MAGI1: variants seen among roughly 807,000 people sequenced by gnomAD.
The protein encoded by MAGI1 is membrane associated guanylate kinase, WW and PDZ domain containing 1.
MAGI1 carries 58 observed loss-of-function variants against 139.9 expected under a neutral mutation model. The observed-to-expected ratio is 0.41, with a 90% CI of 0.34 to 0.52. MAGI1 has a LOEUF of 0.52. MAGI1 is among the 20% of genes least tolerant of loss of function. The probability of loss-of-function intolerance (pLI) is 0.12; values close to 1 mark genes in which losing one functional copy is unlikely to be tolerated. For synonymous variants in MAGI1, 812 were observed against 737.9 expected (o/e 1.10, Z -1.63); for missense variants, 1,874 against 1,901.6 (o/e 0.99, Z 0.27).
At chr3:65,454,548 ATAATAAT>A (rs1312198931) in intron 5 of MAGI1, among the ~76,000 whole-genome samples, 3 of 147,076 alleles carry the variant, frequency 2.0e-5, no homozygotes, top group African/African-American at 7.7e-5. Flanking sequence ...AATAATAATA[ATAATAAT>A]AAAAAAATAC....
chr3:65,520,336 A>T (rs1411960189), intron 2 of MAGI1, among the ~76,000 whole-genome samples: 1 of 152,236 alleles, frequency 6.6e-6, no homozygotes, highest in African/African-American at 2.4e-5. Flanking sequence ...TATGTGGAAG[A>T]TCCTTCAATA....
intron 1 of MAGI1, among the ~76,000 whole-genome samples, chr3:65,803,648 G>T (rs560381976): frequency 6.6e-6 from 1 of 152,184 alleles, no homozygotes; most frequent in African/African-American, 2.4e-5. Flanking sequence ...CATCACTCAG[G>T]TACTAAGCCT....
chr3:65,895,813 A>T (rs2108596007), intron 1 of MAGI1, among the ~76,000 whole-genome samples: 1 of 152,302 alleles, frequency 6.6e-6, no homozygotes, highest in East Asian at 1.9e-4. Context: ...GGGACTTTTC[A>T]ATCATCAAAC....
chr3:65,651,626 T>C (rs973839122), intron 1 of MAGI1, among the ~76,000 whole-genome samples: 7 of 152,126 alleles, frequency 4.6e-5, no homozygotes, highest in South Asian at 2.1e-4. Context: ...AGTGAGTCAA[T>C]TGTCAAATTA....
At chr3:66,018,225 G>A (rs2067772425) in intron 1 of MAGI1, among the ~76,000 whole-genome samples, 1 of 151,702 alleles carries the variant, frequency 6.6e-6, no homozygotes, top group Non-Finnish European at 1.5e-5. Context: ...ACACACAGGA[G>A]CAGCCCCTGC....
intron 1 of MAGI1, among the ~76,000 whole-genome samples, chr3:65,947,173 A>C (rs151001423): frequency 1.3e-5 from 2 of 152,166 alleles, no homozygotes; most frequent in Non-Finnish European, 2.9e-5. Flanking sequence ...TTCTTCAAGG[A>C]AAGAGGATCC....
intron 1 of MAGI1, among the ~76,000 whole-genome samples, chr3:65,908,974 G>C (rs2061549352): frequency 6.6e-6 from 1 of 152,144 alleles, no homozygotes; most frequent in South Asian, 2.1e-4. Flanking sequence ...CTAAAATATA[G>C]AGAATGACTT....
intron 1 of MAGI1, among the ~76,000 whole-genome samples, chr3:65,852,591 C>T (rs1249447024): frequency 6.6e-6 from 1 of 151,476 alleles, no homozygotes; most frequent in African/African-American, 2.4e-5. Flanking sequence ...GCAACCTCTG[C>T]CTCCCGGGTT....
At chr3:65,829,657 T>C (rs573171325) in intron 1 of MAGI1, among the ~76,000 whole-genome samples, 1 of 152,348 alleles carries the variant, frequency 6.6e-6, no homozygotes, top group Admixed American at 6.5e-5. Flanking sequence ...ACATGGTATA[T>C]TGCTTACAAA....
chr3:65,436,354 GA>G (rs2107384294), intron 10 of MAGI1, among the ~76,000 whole-genome samples: 1 of 152,054 alleles, frequency 6.6e-6, no homozygotes, highest in South Asian at 2.1e-4. Flanking sequence ...TTGTTTAAAA[GA>G]AAAAGAAAAC....
chr3:65,934,844 A>T (rs2062973598), intron 1 of MAGI1, among the ~76,000 whole-genome samples: 1 of 151,836 alleles, frequency 6.6e-6, no homozygotes, highest in South Asian at 2.1e-4. Context: ...GTGAGCAAAC[A>T]TCAATAAGTA....
At chr3:65,762,469 GGAA>G (rs1559858331) in intron 1 of MAGI1, among the ~76,000 whole-genome samples, 1 of 151,724 alleles carries the variant, frequency 6.6e-6, no homozygotes, top group Non-Finnish European at 1.5e-5. Flanking sequence ...AAAAAAAACA[GGAA>G]GAAAAAACAC....
chr3:65,855,244 T>C (rs550701210), intron 1 of MAGI1, among the ~76,000 whole-genome samples: 1 of 151,774 alleles, frequency 6.6e-6, no homozygotes, highest in South Asian at 2.1e-4. Context: ...TGTGAAATGT[T>C]TGCTTTGAGA....
At chr3:65,917,719 C>G (rs775111948) in intron 1 of MAGI1, among the ~76,000 whole-genome samples, 1 of 152,150 alleles carries the variant, frequency 6.6e-6, no homozygotes, top group Non-Finnish European at 1.5e-5. Context: ...TTCCAATTAT[C>G]TGACATTCTG....
intron 2 of MAGI1, among the ~76,000 whole-genome samples, chr3:65,509,695 A>C (rs1026985644): frequency 3.9e-5 from 6 of 152,050 alleles, no homozygotes; most frequent in African/African-American, 1.4e-4. Context: ...GCAGTCTGAG[A>C]TCAAACTGCA....
chr3:65,956,853 T>A (rs1220877074), intron 1 of MAGI1, among the ~76,000 whole-genome samples: 1 of 151,538 alleles, frequency 6.6e-6, no homozygotes, highest in Non-Finnish European at 1.5e-5. Flanking sequence ...TGCAAAAAAA[T>A]TAGCCTGGCA....
chr3:65,587,185 T>G (rs1412698280), intron 2 of MAGI1, among the ~76,000 whole-genome samples: 2 of 152,194 alleles, frequency 1.3e-5, no homozygotes. Context: ...TCGACTCACT[T>G]TGGAGTTATG....
At chr3:65,461,947 C>A (rs1399954422) in intron 5 of MAGI1, among the ~76,000 whole-genome samples, 1 of 152,026 alleles carries the variant, frequency 6.6e-6, no homozygotes, top group Non-Finnish European at 1.5e-5. Flanking sequence ...CTGTTCATAT[C>A]CTTTGCCCAC....
intron 1 of MAGI1, among the ~76,000 whole-genome samples, chr3:65,830,079 G>T (rs2042443632): frequency 6.6e-6 from 1 of 152,154 alleles, no homozygotes; most frequent in South Asian, 2.1e-4. Flanking sequence ...ACATACAGAG[G>T]CAAAGATCTT....
Sources: allele counts gnomAD v4.1 joint callset (sites outside exome capture counted in the v4.1 genomes callset), GRCh38; gene constraint gnomAD v4.1.1; transcripts MANE v1.5; gene names NCBI Gene and HGNC (gene_info 2026-07-23, HGNC 2026-07-21).